The following DISP3 variants were observed in gnomAD, a reference collection of about 807,000 sequenced individuals.
DISP3 encodes protein dispatched homolog 3.
In DISP3, 101 loss-of-function variants were observed where a neutral mutation model predicts 135.3. That is an observed-to-expected ratio of 0.75 (90% CI 0.64 to 0.88). The LOEUF is 0.88. DISP3 is among the 40% of genes least tolerant of loss of function. The probability of loss-of-function intolerance (pLI) is 0.00; values close to 1 mark genes in which losing one functional copy is unlikely to be tolerated. For synonymous variants in DISP3, 856 were observed against 817.0 expected (o/e 1.05, Z -0.81); for missense variants, 1,713 against 1,878.6 (o/e 0.91, Z 1.63).
In DISP3 at chr1:11,501,551, C is replaced by A; in HGVS notation, c.559C>A (p.Arg187=). 2 of 1,589,284 alleles carry A rather than the reference C, an allele frequency of 1.3e-6. No individual in the cohort carries two copies. Among genetic ancestry groups the A allele is most frequent in the Non-Finnish European group, 1.7e-6 (2 of 1,166,148 alleles). The change falls in exon 2 of 21, where the codon CGG becomes AGG. Residue 187 remains arginine (R), a synonymous_variant. Coordinates refer to ENST00000294484, the MANE Select transcript of DISP3 (RefSeq NM_020780.2). The surrounding 1 kb of genome is among the most constrained non-coding windows in gnomAD (Gnocchi z 4.9). Reference sequence around the variant, plus strand: ...CTCACTCGGTGGCCCAGGCCCTTACCGGGACACTTCCGCGGCTCAAAAGCC... The same window carrying A: ...CTCACTCGGTGGCCCAGGCCCTTACAGGGACACTTCCGCGGCTCAAAAGCC... ...AASLGGPGPY[R]DTSAAQKPTA... is the part of the protein sequence containing the mutation.
chr1:11,492,940 G>A (rs1479303537), intron 1 of DISP3, among the ~76,000 whole-genome samples: 2 of 152,188 alleles, frequency 1.3e-5, no homozygotes, highest in Non-Finnish European at 2.9e-5. Flanking sequence ...GACTCTGGGA[G>A]GGCCCTAGGA....
In DISP3 at chr1:11,530,920, A is replaced by G; in HGVS notation, c.3116A>G (p.Tyr1039Cys). ...HVIGDPGSVV[Y>C]DSSFDLFKEI... ...TCCTTGGGAAAGGGTAGTGTTGTCT[A>G]CGACAGCAGCTTTGACCTCTTCAAG... The change falls in exon 16 of 21, where the codon TAC becomes TGC. Residue 1039 changes from tyrosine to cysteine, a missense_variant. Physicochemically the swap from Tyr to Cys is radical, Grantham distance 194. Coordinates refer to ENST00000294484, the MANE Select transcript of DISP3 (RefSeq NM_020780.2). 2 of 1,613,874 alleles carry G rather than the reference A, an allele frequency of 1.2e-6. No homozygotes were observed. The highest frequency in any genetic ancestry group is 2.2e-5 in the East Asian group (1 of 44,844).
At position 11,501,822 on chromosome 1, in the gene DISP3, T is replaced by C; in HGVS notation, c.830T>C (p.Leu277Pro). The C allele has an allele frequency of 6.2e-7, 1 of 1,610,716 alleles. No homozygotes were observed. Among genetic ancestry groups the C allele is most frequent in the Middle Eastern group, 1.7e-4 (1 of 6,056 alleles). ...TQTHAHWRIE[L>P]IFLARGDAER... is the part of the protein sequence containing the mutation. Reference sequence around the variant, plus strand: ...ACGCACGCGCACTGGCGCATCGAGCTCATCTTCCTGGCGCGCGGCGACGCG... The same window carrying C: ...ACGCACGCGCACTGGCGCATCGAGCCCATCTTCCTGGCGCGCGGCGACGCG... Residue 277 changes from leucine (L) to proline (P), a missense_variant, in exon 2 of 21, where the codon CTC (leucine) becomes CCC (proline). By Grantham distance (98) the Leu-to-Pro change is moderately conservative. Around this residue, in one of 2 missense-constraint regions of DISP3, gnomAD observed 571 missense variants for 494.1 expected, o/e 1.16. Coordinates refer to ENST00000294484, the MANE Select transcript of DISP3 (RefSeq NM_020780.2). This position sits in a 1 kb window ranked among gnomAD's most constrained non-coding sequence, Gnocchi z 4.9.
chr1:11,501,676 G>A lies in DISP3; in HGVS notation c.684G>A (p.Lys228=), dbSNP rs763941317. ...ACCCGCGAAACCAGCGGCTGAGCAA[G>A]AATGGGCGGTACCAGCCCAGCATCC... The part of the protein sequence containing the change: ...SEDPRNQRLS[K]NGRYQPSIPP... The change falls in exon 2 of 21, where the codon AAG becomes AAA. Residue 228 remains lysine, a synonymous_variant. Transcript: ENST00000294484. This position sits in a 1 kb window ranked among gnomAD's most constrained non-coding sequence, Gnocchi z 4.9. 1.0e-5 allele frequency: 16 copies of A among 1,606,514 alleles called. No individual in the cohort carries two copies. The highest frequency in any genetic ancestry group is 2.7e-5 in the African/African-American group (2 of 74,848).
chr1:11,520,859 T>C lies in DISP3; in HGVS notation c.2362+11T>C. 6.3e-7 allele frequency: 1 copy of C among 1,586,750 alleles called. No homozygotes were observed. The highest frequency in any genetic ancestry group is 8.6e-7 in the Non-Finnish European group (1 of 1,165,896). The stretch of plus-strand genomic sequence containing the variant: ...GCATCACCTGTTCAGGTGAGGCTTC[T>C]AGCCAGGCTGTCCCTGGCCCGCTCA... On this transcript the variant is annotated intron_variant, in intron 10 of 20. Coordinates refer to ENST00000294484, the MANE Select transcript of DISP3 (RefSeq NM_020780.2). This position sits in a 1 kb window ranked among gnomAD's most constrained non-coding sequence, Gnocchi z 4.8.
intron 1 of DISP3, among the ~76,000 whole-genome samples, chr1:11,495,518 G>C (rs1641308901): frequency 6.6e-6 from 1 of 152,208 alleles, no homozygotes; most frequent in Non-Finnish European, 1.5e-5. Context: ...TCTGGGGATG[G>C]AGTAGAGTGA....
chr1:11,480,835 G>T (rs947755103), intron 1 of DISP3, among the ~76,000 whole-genome samples: 1 of 152,038 alleles, frequency 6.6e-6, no homozygotes. Flanking sequence ...GCTGTGGCTC[G>T]GTGGAAGCTC....
chr1:11,493,242 C>T (rs1031675345), intron 1 of DISP3, among the ~76,000 whole-genome samples: 1 of 152,190 alleles, frequency 6.6e-6, no homozygotes, highest in Admixed American at 6.5e-5. Context: ...AGCTGGCAGG[C>T]TGAAGACCCA....
chr1:11,527,817 A>G (rs1441259187), intron 13 of DISP3, among the ~76,000 whole-genome samples: 1 of 152,106 alleles, frequency 6.6e-6, no homozygotes, highest in African/African-American at 2.4e-5. Flanking sequence ...ACAACTTCTC[A>G]AGATTCAAGT....
chr1:11,486,360 G>A (rs1641035822), intron 1 of DISP3, among the ~76,000 whole-genome samples: 1 of 152,186 alleles, frequency 6.6e-6, no homozygotes, highest in African/African-American at 2.4e-5. Context: ...AGGCTTTGGA[G>A]AAGTGTCAGC....
At position 11,529,963 on chromosome 1, in the gene DISP3, C is replaced by T. The variant is rs368511589; in HGVS notation, c.3102+4C>T. On this transcript the variant is annotated splice_donor_region_variant and intron_variant, in intron 15 of 20. Transcript: ENST00000294484. This position sits in a 1 kb window ranked among gnomAD's most constrained non-coding sequence, Gnocchi z 4.7. ...CAACCACGTCATTGGAGACCCGGTA[C>T]GGGGCATGCGTCGGGCAGATGCCGA... The T allele has an allele frequency of 2.6e-5, 42 of 1,611,034 alleles. No homozygotes were observed. Among genetic ancestry groups the T allele is most frequent in the African/African-American group, 2.1e-4 (16 of 75,030 alleles).
intron 13 of DISP3, among the ~76,000 whole-genome samples, chr1:11,527,215 G>A (rs1039322109): frequency 6.6e-6 from 1 of 151,892 alleles, no homozygotes; most frequent in East Asian, 1.9e-4. Flanking sequence ...GATTACAGGC[G>A]TGAGCCACTG....
chr1:11,521,946 A>G (rs1462323342), intron 10 of DISP3, among the ~76,000 whole-genome samples: 2 of 152,074 alleles, frequency 1.3e-5, no homozygotes, highest in Non-Finnish European at 2.9e-5. Context: ...GGACTAGGGC[A>G]CTGGGGTGGA....
At chr1:11,522,125 G>C (rs1390017773) in intron 10 of DISP3, among the ~76,000 whole-genome samples, 1 of 152,146 alleles carries the variant, frequency 6.6e-6, no homozygotes, top group African/African-American at 2.4e-5. Flanking sequence ...TTTTGAGGTA[G>C]CTGGCCCAGG....
intron 3 of DISP3, among the ~76,000 whole-genome samples, chr1:11,513,491 G>GGGAAGTCTGCT (rs1420704737): frequency 1.3e-5 from 2 of 152,130 alleles, no homozygotes; most frequent in Non-Finnish European, 2.9e-5. Context: ...TGTTTTTAAT[G>GGGAAGTCTGCT]GGAAGTCTGC....
Position 11,526,825 on chromosome 1 carries a change from C to T in DISP3, c.2788C>T (p.Gln930Ter), listed in dbSNP as rs1330901967. Reference sequence around the variant, plus strand: ...CTTCTACGTGGCCACCAAGGAGCAGCAGCACACCCGGTAACAGAGCCTGGC... The same window carrying T: ...CTTCTACGTGGCCACCAAGGAGCAGTAGCACACCCGGTAACAGAGCCTGGC... ...FSFYVATKEQ[Q>*]HTRKLYFAQS... The change falls in exon 13 of 21, where the codon CAG (glutamine) becomes TAG (stop). Residue 930 changes from glutamine to a stop codon, truncating the protein, a stop_gained. Coordinates refer to ENST00000294484, the MANE Select transcript of DISP3 (RefSeq NM_020780.2). LOFTEE classifies it high-confidence loss of function. 1.9e-6 allele frequency: 3 copies of T among 1,604,250 alleles called. No individual in the cohort carries two copies. Among genetic ancestry groups the T allele is most frequent in the Non-Finnish European group, 1.7e-6 (2 of 1,179,304 alleles).
chr1:11,509,937 A>G (rs1275110356), intron 3 of DISP3, among the ~76,000 whole-genome samples: 1 of 152,116 alleles, frequency 6.6e-6, no homozygotes. Context: ...ATGTTACTAA[A>G]AAATACAAAA....
Position 11,529,364 on chromosome 1 carries a change from C to T in DISP3, c.2799-192C>T, listed in dbSNP as rs892697964. Among the ~76,000 whole-genome samples, 12 of 152,120 alleles carry T rather than the reference C, an allele frequency of 7.9e-5. No homozygotes were observed. The highest frequency in any genetic ancestry group is 1.5e-5 in the Non-Finnish European group (1 of 67,990). On this transcript the variant is annotated intron_variant, in intron 13 of 20. Coordinates refer to ENST00000294484, the MANE Select transcript of DISP3 (RefSeq NM_020780.2). This position sits in a 1 kb window ranked among gnomAD's most constrained non-coding sequence, Gnocchi z 4.7. ...AGCCTTGGCAGGGGCAGGGCTAGAA[C>T]AGCCTCCAGACCCCCAGCCCAGGGC...
At chr1:11,503,313 G>A (rs1641606772) in intron 3 of DISP3, among the ~76,000 whole-genome samples, 2 of 152,182 alleles carry the variant, frequency 1.3e-5, no homozygotes, top group African/African-American at 4.8e-5. Flanking sequence ...ATTTATTAGA[G>A]GAATTGGCTC....
Sources: allele counts gnomAD v4.1 joint callset (sites outside exome capture counted in the v4.1 genomes callset), GRCh38; gene constraint gnomAD v4.1.1; regional missense constraint gnomAD v4.1.1; non-coding constraint Gnocchi (gnomAD v3.1); transcripts MANE v1.5; gene names NCBI Gene and HGNC (gene_info 2026-07-23, HGNC 2026-07-21).